Variants in PAPPA observed in about 807,000 individuals in gnomAD.
PAPPA encodes the protein pappalysin 1.
A neutral mutation model predicts 164.0 loss-of-function variants in PAPPA; 60 were observed. That is an observed-to-expected ratio of 0.37 (90% confidence interval 0.30 to 0.45). The LOEUF is 0.45. PAPPA is among the 20% of genes least tolerant of loss of function. The probability of loss-of-function intolerance (pLI) is 1.00; values close to 1 mark genes in which losing one functional copy is unlikely to be tolerated. For missense variants in PAPPA, 1,782 were observed against 2,087.3 expected (o/e 0.85, Z 2.85); for synonymous variants, 875 against 814.1 (o/e 1.07, Z -1.27).
chr9:116,280,181 G>A (rs1462260278), intron 9 of PAPPA, among the ~76,000 whole-genome samples: 4 of 152,200 alleles, frequency 2.6e-5, no homozygotes, highest in East Asian at 3.9e-4. Flanking sequence ...GATGCCTGCT[G>A]TATGCCAGGC....
intron 13 of PAPPA, among the ~76,000 whole-genome samples, chr9:116,341,422 T>TC (rs1436953075): frequency 2.0e-5 from 3 of 152,166 alleles, no homozygotes; most frequent in Non-Finnish European, 2.9e-5. Flanking sequence ...TACCTGCTCT[T>TC]CCCTCTGCCT....
chr9:116,274,352 CA>C (rs1845172638), intron 9 of PAPPA, among the ~76,000 whole-genome samples: 2 of 152,214 alleles, frequency 1.3e-5, no homozygotes, highest in African/African-American at 4.8e-5. Context: ...TCCCAGCTCC[CA>C]GGGACTACAT....
rs548201278 is a variant in PAPPA at position 116,318,914 on chromosome 9, C to T, written c.3148-12330C>T. On this transcript the variant is annotated intron_variant, in intron 10 of 21. Transcript: ENST00000328252. ...CAGCAGGGCCTGCCCTGGGCTGAGCCGGACAGTCATGCCAGCTGCCCTGTG... is the reference window on the plus strand; with the variant it reads ...CAGCAGGGCCTGCCCTGGGCTGAGCTGGACAGTCATGCCAGCTGCCCTGTG... Among the ~76,000 whole-genome samples, 246 of 152,306 alleles carry T rather than the reference C, an allele frequency of 1.6e-3. 3 individuals carry two copies. Among genetic ancestry groups the T allele is most frequent in the Admixed American group, 0.015 (223 of 15,300 alleles).
intron 21 of PAPPA, among the ~76,000 whole-genome samples, chr9:116,383,405 A>AAAG (rs1846758557): frequency 6.6e-6 from 1 of 152,236 alleles, no homozygotes; most frequent in Non-Finnish European, 1.5e-5. Flanking sequence ...CAGGAAAAGC[A>AAAG]AAGAATCATA....
At chr9:116,277,327 A>C (rs958100877) in intron 9 of PAPPA, among the ~76,000 whole-genome samples, 3 of 152,184 alleles carry the variant, frequency 2.0e-5, no homozygotes, top group African/African-American at 7.2e-5. Context: ...TGAAAGAGGA[A>C]AAAGAAAGAG....
chr9:116,293,398 A>G (rs77711961), intron 9 of PAPPA, among the ~76,000 whole-genome samples: 13,723 of 152,246 alleles, frequency 0.09, 697 homozygotes, highest in South Asian at 0.15. Context: ...GTACCAAACA[A>G]GTAGTGATGC....
At chr9:116,373,213 T>C (rs921978523) in intron 19 of PAPPA, 1 of 152,134 alleles carries the variant, frequency 6.6e-6, no homozygotes, top group Non-Finnish European at 1.5e-5. Flanking sequence ...AATCTACTGA[T>C]TTTTTTCATT....
At chr9:116,323,480 T>C (rs530961571) in intron 10 of PAPPA, among the ~76,000 whole-genome samples, 1 of 152,250 alleles carries the variant, frequency 6.6e-6, no homozygotes, top group Non-Finnish European at 1.5e-5. Flanking sequence ...AGATATCCAG[T>C]GATCCCAAAG....
chr9:116,159,828 A>G (rs1260503830), intron 1 of PAPPA, among the ~76,000 whole-genome samples: 1 of 152,216 alleles, frequency 6.6e-6, no homozygotes, highest in Non-Finnish European at 1.5e-5. Flanking sequence ...CAGCCTGGAC[A>G]TGAACTCAGT....
At chr9:116,191,058 G>A (rs919250363) in intron 2 of PAPPA, among the ~76,000 whole-genome samples, 173 of 145,164 alleles carry the variant, frequency 1.2e-3, no homozygotes, top group African/African-American at 4.2e-3. Context: ...GGGAGGGAGG[G>A]AGATAGGGAG....
intron 9 of PAPPA, chr9:116,285,824 G>C (rs769690859): frequency 6.6e-6 from 1 of 152,360 alleles, no homozygotes; most frequent in East Asian, 1.9e-4. Context: ...GTAAAAGAAG[G>C]ATGTATTTCT....
chr9:116,289,323 TGGC>T (rs1312964142), intron 9 of PAPPA, among the ~76,000 whole-genome samples: 4 of 145,536 alleles, frequency 2.7e-5, no homozygotes, highest in African/African-American at 7.5e-5. Context: ...GGCATATATA[TGGC>T]ATATATATAG....
intron 3 of PAPPA, among the ~76,000 whole-genome samples, chr9:116,209,000 G>A (rs1241593987): frequency 6.6e-6 from 1 of 152,174 alleles, no homozygotes; most frequent in Non-Finnish European, 1.5e-5. Flanking sequence ...CTGGCATCTA[G>A]TGGGTAGAAG....
chr9:116,312,710 C>T (rs527575289), intron 10 of PAPPA, among the ~76,000 whole-genome samples: 4 of 152,326 alleles, frequency 2.6e-5, no homozygotes, highest in South Asian at 2.1e-4. Context: ...TCTATTCCTT[C>T]CCATCCTTAC....
chr9:116,190,920 T>C (rs538269886), intron 2 of PAPPA, among the ~76,000 whole-genome samples: 3 of 152,258 alleles, frequency 2.0e-5, no homozygotes, highest in East Asian at 1.9e-4. Flanking sequence ...GAGGCTGGGA[T>C]TTTCTGGGTT....
intron 2 of PAPPA, among the ~76,000 whole-genome samples, chr9:116,195,804 GA>G (rs1438164468): frequency 2.3e-4 from 35 of 152,156 alleles, no homozygotes; most frequent in African/African-American, 8.4e-4. Context: ...CTCAGTGCGG[GA>G]GTAAGAGACA....
At chr9:116,238,271 G>A (rs1434077104) in intron 7 of PAPPA, among the ~76,000 whole-genome samples, 3 of 152,148 alleles carry the variant, frequency 2.0e-5, no homozygotes, top group Non-Finnish European at 4.4e-5. Context: ...TATCACCTGG[G>A]AACTGAGAAA....
Position 116,382,441 on chromosome 9 carries a change from T to C in PAPPA, c.4724T>C (p.Phe1575Ser). The change falls in exon 21 of 22, where the codon TTT (phenylalanine) becomes TCT (serine). Residue 1575 changes from phenylalanine (F) to serine (S), a missense_variant. This residue lies in a region of PAPPA where 1,324 missense variants were observed against 1,656.9 expected (regional missense o/e 0.80). Transcript: ENST00000328252. ...NYCDAINNRA[F>S]CNYDGGDCCT... is the part of the protein sequence containing the mutation. ...TGTGATGCCATCAACAACCGAGCCT[T>C]TTGCAACTATGACGGTGGGGATTGC... The C allele has an allele frequency of 6.2e-7, 1 of 1,613,916 alleles. No individual in the cohort carries two copies. The highest frequency in any genetic ancestry group is 8.5e-7 in the Non-Finnish European group (1 of 1,179,900).
chr9:116,379,992 C>CTCA (rs1330911066), intron 20 of PAPPA, among the ~76,000 whole-genome samples: 1 of 152,188 alleles, frequency 6.6e-6, no homozygotes, highest in African/African-American at 2.4e-5. Context: ...TTAACTCCTA[C>CTCA]TCATCTTTAT....
Sources: allele counts gnomAD v4.1 joint callset (sites outside exome capture counted in the v4.1 genomes callset), GRCh38; gene constraint gnomAD v4.1.1; regional missense constraint gnomAD v4.1.1; transcripts MANE v1.5; gene names NCBI Gene and HGNC (gene_info 2026-07-23, HGNC 2026-07-21).